Variants in SRGAP3 observed in about 807,000 individuals in gnomAD.
The protein encoded by SRGAP3 is SLIT-ROBO Rho GTPase activating protein 3, also known as SLIT-ROBO Rho GTPase-activating protein 3.
Under a neutral mutation model 121.1 loss-of-function variants are expected in SRGAP3, and 39 were observed. That is an observed-to-expected ratio of 0.32 (90% CI 0.25 to 0.42). SRGAP3 has a LOEUF of 0.42. Ranked by LOEUF, SRGAP3 falls within the 10% of genes least tolerant of loss-of-function variation. The pLI, the probability that SRGAP3 is intolerant of heterozygous loss-of-function variation, is 1.00. For missense variants in SRGAP3, 1,213 were observed against 1,470.6 expected (o/e 0.82, Z 2.86); for synonymous variants, 601 against 570.0 (o/e 1.05, Z -0.77).
chr3:9,029,789 G>C (rs551587353), intron 12 of SRGAP3, among the ~76,000 whole-genome samples: 26 of 152,318 alleles, frequency 1.7e-4, no homozygotes, highest in Admixed American at 6.5e-4. Context: ...TAGGTGCACA[G>C]TATGAGTTTA....
At chr3:9,030,946 A>G (rs1944451380) in intron 12 of SRGAP3, among the ~76,000 whole-genome samples, 1 of 78,904 alleles carries the variant, frequency 1.3e-5, no homozygotes, top group Non-Finnish European at 3.5e-5. Context: ...CTTGCTCTGA[A>G]CTTCTTTTTT....
chr3:9,191,785 G>C (rs1191498382), intron 1 of SRGAP3, among the ~76,000 whole-genome samples: 5 of 152,162 alleles, frequency 3.3e-5, no homozygotes, highest in African/African-American at 1.2e-4. Context: ...GATCATGGGG[G>C]CAGATTTCTC....
At chr3:9,267,346 C>A (rs1035815076) in intron 3 of SRGAP3, among the ~76,000 whole-genome samples, 1 of 152,152 alleles carries the variant, frequency 6.6e-6, no homozygotes, top group African/African-American at 2.4e-5. Flanking sequence ...GGATAAAAAC[C>A]AGAAATGATG....
rs1398072312 is a variant in SRGAP3, at chr3:9,026,857, A to G, written c.1600+78T>C. 4.6e-6 allele frequency: 7 copies of G among 1,513,702 alleles called. No individual in the cohort carries two copies. In the African/African-American group the frequency reaches 5.5e-5, roughly 12 times the overall value. The allele number at this position is 1,513,702 out of a possible 1,614,324, so 93.8% of individuals were successfully genotyped here. On this transcript the variant is annotated intron_variant, in intron 13 of 21. Coordinates refer to ENST00000383836, the MANE Select transcript of SRGAP3 (RefSeq NM_014850.4). The stretch of plus-strand genomic sequence containing the variant: ...GACGGGAAGTCTTCCAGGACAAATT[A>G]GAATCTCATTTCCTATCAGAACAGC...
rs199848187 is a variant in SRGAP3, at chr3:8,985,858, C to T, written c.2961G>A (p.Ala987=). 4.4e-6 allele frequency: 7 copies of T among 1,600,182 alleles called. No individual in the cohort carries two copies. Among genetic ancestry groups the T allele is most frequent in the East Asian group, 2.2e-5 (1 of 44,854 alleles). The change falls in exon 22 of 22, where the codon GCG becomes GCA. Residue 987 remains alanine (A), a synonymous_variant. Transcript: ENST00000383836. The surrounding 1 kb of genome is among the most constrained non-coding windows in gnomAD (Gnocchi z 5.1). ...ELERQNTVKQ[A]PDVVLDTLEP... is the part of the protein sequence containing the mutation. ...CCAGGGTGTCCAGCACCACATCTGG[C>T]GCCTGCTTGACCGTGTTCTGCCTCT...
At chr3:9,287,444 A>T (rs1050623038) in intron 3 of SRGAP3, among the ~76,000 whole-genome samples, 4 of 152,182 alleles carry the variant, frequency 2.6e-5, no homozygotes, top group Non-Finnish European at 4.4e-5. Flanking sequence ...CTGGTGAATA[A>T]TATTTTTGTT....
intron 3 of SRGAP3, among the ~76,000 whole-genome samples, chr3:9,296,727 T>C (rs1475786975): frequency 1.3e-5 from 2 of 152,212 alleles, no homozygotes; most frequent in African/African-American, 4.8e-5. Context: ...GGAAACATAA[T>C]ACTACCAAAT....
At chr3:8,992,806 G>T in intron 20 of SRGAP3, 100 bp downstream of exon 20, 2 of 1,599,362 alleles carry the variant, frequency 1.3e-6, no homozygotes, top group Non-Finnish European at 8.6e-7. Flanking sequence ...ACAAGGGGCT[G>T]CAGTAGGCTC....
chr3:9,079,906 A>G, intron 4 of SRGAP3, 119 bp downstream of exon 4: 2 of 1,019,204 alleles, frequency 2.0e-6, no homozygotes, highest in South Asian at 2.9e-5. Flanking sequence ...GTCACTCAGC[A>G]TAAAACGCAG....
chr3:9,281,201 A>T (rs1954670502), intron 3 of SRGAP3, among the ~76,000 whole-genome samples: 1 of 152,186 alleles, frequency 6.6e-6, no homozygotes, highest in South Asian at 2.1e-4. Flanking sequence ...GGTTATGAAA[A>T]TTACAGTATC....
chr3:9,226,070 T>A (rs116584606), intron 1 of SRGAP3, among the ~76,000 whole-genome samples: 327 of 151,718 alleles, frequency 2.2e-3, no homozygotes, highest in African/African-American at 7.6e-3. Flanking sequence ...AGTTCAGCTT[T>A]AAAAAAAAAT....
chr3:9,048,925 G>C (rs1232139631), intron 9 of SRGAP3, among the ~76,000 whole-genome samples: 1 of 152,200 alleles, frequency 6.6e-6, no homozygotes, highest in Non-Finnish European at 1.5e-5. Context: ...GAAGGAGGTA[G>C]AAAGGGGGCC....
At position 9,032,653 on chromosome 3, in the gene SRGAP3, A is replaced by G. The variant is rs765810897; in HGVS notation, c.1536T>C (p.Ile512=). The change falls in exon 12 of 22, where the codon ATT becomes ATC. Residue 512 remains isoleucine, a synonymous_variant. Coordinates refer to ENST00000383836, the MANE Select transcript of SRGAP3 (RefSeq NM_014850.4). Reference sequence around the variant, plus strand: ...TCCACGGCTCCCCAGCAAGTACCTTAATGAATGCTTCCATACTGCCGTTAA... The same window carrying G: ...TCCACGGCTCCCCAGCAAGTACCTTGATGAATGCTTCCATACTGCCGTTAA... ...KLFNGSMEAF[I]KDSGQAIPLV... The G allele has an allele frequency of 6.2e-7, 1 of 1,613,526 alleles. No homozygotes were observed. Among genetic ancestry groups the G allele is most frequent in the East Asian group, 2.2e-5 (1 of 44,858 alleles).
intron 18 of SRGAP3, among the ~76,000 whole-genome samples, chr3:9,003,352 ACCT>A (rs1942871499): frequency 6.6e-6 from 1 of 152,100 alleles, no homozygotes; most frequent in African/African-American, 2.4e-5. Context: ...GGTATCGGGC[ACCT>A]GTAATATCAG....
chr3:9,329,946 C>T (rs1034215649), intron 2 of SRGAP3, among the ~76,000 whole-genome samples: 1 of 152,154 alleles, frequency 6.6e-6, no homozygotes, highest in African/African-American at 2.4e-5. Context: ...ACCAAGAGCC[C>T]TCATTTTTAA....
chr3:9,027,163 G>C (rs1944248385), intron 12 of SRGAP3, among the ~76,000 whole-genome samples, 168 bp from the exon 13 acceptor site: 1 of 150,926 alleles, frequency 6.6e-6, no homozygotes, highest in South Asian at 2.1e-4. Context: ...AGTTACAATA[G>C]AGAGTCTTCA....
chr3:9,191,713 T>A (rs1427062758), intron 1 of SRGAP3, among the ~76,000 whole-genome samples: 1 of 152,230 alleles, frequency 6.6e-6, no homozygotes, highest in Non-Finnish European at 1.5e-5. Flanking sequence ...GTGTCCCCGT[T>A]CAAATCTCAC....
Position 9,224,728 on chromosome 3 carries a change from C to A in SRGAP3, c.67+24157G>T, listed in dbSNP as rs535827229. Among the ~76,000 whole-genome samples, 4 of 152,218 alleles carry A rather than the reference C, an allele frequency of 2.6e-5. No homozygotes were observed. In the South Asian group the frequency reaches 8.3e-4, roughly 32 times the overall value. ...ACCAGATGGCTGTACCATGGATGGC[C>A]AGACAAGCTCCTATGTCTACACTAG... On this transcript the variant is annotated intron_variant, in intron 1 of 21. Transcript: ENST00000383836.
chr3:9,259,911 A>G (rs2600155), intron 3 of SRGAP3, among the ~76,000 whole-genome samples: 95,056 of 150,290 alleles, frequency 0.63, 31,018 homozygotes, highest in Non-Finnish European at 0.71. Context: ...CAGCGAGACC[A>G]AGAAGACGGG....
Sources: gnomAD v4.1 joint callset for allele counts (sites outside exome capture counted in the v4.1 genomes callset) on GRCh38, gnomAD v4.1.1 for gene constraint, Gnocchi (gnomAD v3.1) non-coding constraint, MANE v1.5 for transcripts, NCBI Gene and HGNC (gene_info 2026-07-23, HGNC 2026-07-21) for gene names.